TMEM117: variants seen among roughly 807,000 people sequenced by gnomAD.
TMEM117 encodes the protein transmembrane protein 117.
In TMEM117, 27 loss-of-function variants were observed where a neutral mutation model predicts 52.4. The observed-to-expected ratio is 0.51, with a 90% CI of 0.38 to 0.71. TMEM117 has a LOEUF of 0.71. Ranked by LOEUF, TMEM117 falls within the 30% of genes least tolerant of loss-of-function variation. The pLI is 0.00. For missense variants in TMEM117, 556 were observed against 630.5 expected, an observed-to-expected ratio of 0.88 and a Z score of 1.26; for synonymous variants, 215 against 206.3, an observed-to-expected ratio of 1.04 and a Z score of -0.36.
chr12:44,308,205 C>T (rs1376906542), intron 6 of TMEM117, among the ~76,000 whole-genome samples: 3 of 152,208 alleles, frequency 2.0e-5, no homozygotes, highest in Non-Finnish European at 4.4e-5. Context: ...ATTTAAAAAA[C>T]TGGAAATATA....
chr12:44,174,196 CAT>C (rs1202100603), intron 4 of TMEM117, among the ~76,000 whole-genome samples: 10 of 152,188 alleles, frequency 6.6e-5, no homozygotes, highest in African/African-American at 2.4e-4. Context: ...AATGTACTAT[CAT>C]GTGGACATTT....
intron 3 of TMEM117, among the ~76,000 whole-genome samples, chr12:44,016,944 T>C (rs2137822942): frequency 6.6e-6 from 1 of 152,318 alleles, no homozygotes; most frequent in East Asian, 1.9e-4. Flanking sequence ...CAGATATAAA[T>C]TGATAAATTA....
chr12:44,063,280 G>A (rs1024210996), intron 3 of TMEM117, among the ~76,000 whole-genome samples: 2 of 152,150 alleles, frequency 1.3e-5, no homozygotes, highest in Non-Finnish European at 2.9e-5. Flanking sequence ...ATGCAGTGGA[G>A]CCATTAAATC....
chr12:43,838,129 T>G (rs1364287096), intron 1 of TMEM117, among the ~76,000 whole-genome samples: 2 of 151,320 alleles, frequency 1.3e-5, no homozygotes, highest in East Asian at 3.9e-4. Context: ...CTATTTGTGT[T>G]TTTTTTTTAA....
intron 3 of TMEM117, among the ~76,000 whole-genome samples, chr12:44,119,890 G>A (rs1427698006): frequency 1.3e-5 from 2 of 152,208 alleles, no homozygotes; most frequent in African/African-American, 4.8e-5. Context: ...TCAGGACTGA[G>A]AGGTCTGTGG....
intron 3 of TMEM117, among the ~76,000 whole-genome samples, chr12:44,014,971 G>T (rs920474686): frequency 6.6e-6 from 1 of 151,954 alleles, no homozygotes; most frequent in Non-Finnish European, 1.5e-5. Flanking sequence ...TCTATGATTG[G>T]CCTCACTTAG....
At chr12:44,221,262 T>C (rs542459569) in intron 5 of TMEM117, among the ~76,000 whole-genome samples, 9 of 152,272 alleles carry the variant, frequency 5.9e-5, no homozygotes, top group African/African-American at 1.4e-4. Context: ...CTAGTTAGAA[T>C]AGAAAGATAA....
chr12:44,257,088 A>G (rs1401391562), intron 5 of TMEM117, among the ~76,000 whole-genome samples: 2 of 149,886 alleles, frequency 1.3e-5, no homozygotes, highest in Non-Finnish European at 3.0e-5. Flanking sequence ...TTTGTATGTG[A>G]CTTGATCGAA....
intron 3 of TMEM117, among the ~76,000 whole-genome samples, chr12:44,084,894 A>G (rs1191639304): frequency 6.6e-6 from 1 of 152,202 alleles, no homozygotes; most frequent in Non-Finnish European, 1.5e-5. Flanking sequence ...TCTGAAGAAT[A>G]AGTAAACTTT....
At chr12:44,204,903 A>C (rs2138379535) in intron 4 of TMEM117, among the ~76,000 whole-genome samples, 1 of 152,320 alleles carries the variant, frequency 6.6e-6, no homozygotes, top group South Asian at 2.1e-4. Flanking sequence ...AAATCAACTC[A>C]AGATGGATTA....
chr12:44,075,756 G>A (rs1249797279), intron 3 of TMEM117, among the ~76,000 whole-genome samples: 1 of 152,038 alleles, frequency 6.6e-6, no homozygotes, highest in Admixed American at 6.6e-5. Flanking sequence ...TGTGCCTTGG[G>A]GTATAGGGGG....
chr12:44,004,162 C>T (rs916344523), intron 3 of TMEM117, among the ~76,000 whole-genome samples: 16 of 152,178 alleles, frequency 1.1e-4, no homozygotes, highest in Admixed American at 3.3e-4. Flanking sequence ...TTCCTGCTCT[C>T]GAACCCTGCT....
chr12:43,900,065 G>C (rs1944278670), intron 2 of TMEM117, among the ~76,000 whole-genome samples: 1 of 152,132 alleles, frequency 6.6e-6, no homozygotes, highest in African/African-American at 2.4e-5. Flanking sequence ...AAAGTTTGGA[G>C]CCCACTCACA....
At chr12:43,979,868 G>A (rs975034230) in intron 3 of TMEM117, among the ~76,000 whole-genome samples, 1 of 152,186 alleles carries the variant, frequency 6.6e-6, no homozygotes, top group Non-Finnish European at 1.5e-5. Context: ...TATGTCAGGG[G>A]TAGGGGAGGA....
At chr12:43,946,188 G>C (rs1323192464) in intron 3 of TMEM117, among the ~76,000 whole-genome samples, 1 of 152,120 alleles carries the variant, frequency 6.6e-6, no homozygotes, top group Non-Finnish European at 1.5e-5. Context: ...TACTAGAATG[G>C]GTAATGATTG....
chr12:44,353,068 G>C (rs1436676809), intron 6 of TMEM117, among the ~76,000 whole-genome samples: 19 of 152,064 alleles, frequency 1.2e-4, no homozygotes, highest in Non-Finnish European at 2.5e-4. Context: ...ATTTTTTCAT[G>C]TGTTTTTTGG....
At chr12:44,023,220 A>C (rs1044382150) in intron 3 of TMEM117, among the ~76,000 whole-genome samples, 1 of 152,178 alleles carries the variant, frequency 6.6e-6, no homozygotes, top group South Asian at 2.1e-4. Context: ...AATCCAGTCT[A>C]TCGTTGTTGG....
chr12:44,160,363 G>A (rs1340435923), intron 4 of TMEM117, among the ~76,000 whole-genome samples: 1 of 151,990 alleles, frequency 6.6e-6, no homozygotes, highest in Non-Finnish European at 1.5e-5. Context: ...AAAGATAAGT[G>A]ACAAAAGGAA....
At chr12:44,335,629 A>T (rs1951331111) in intron 6 of TMEM117, among the ~76,000 whole-genome samples, 1 of 152,090 alleles carries the variant, frequency 6.6e-6, no homozygotes, top group Admixed American at 6.6e-5. Context: ...ATAACTATGT[A>T]GTCCTGATTT....
Sources: gnomAD v4.1 joint callset for allele counts (sites outside exome capture counted in the v4.1 genomes callset) on GRCh38, gnomAD v4.1.1 for gene constraint, MANE v1.5 for transcripts, NCBI Gene and HGNC (gene_info 2026-07-23, HGNC 2026-07-21) for gene names.